RANBP17: variants seen among roughly 807,000 people sequenced by gnomAD.
RANBP17 encodes ran-binding protein 17.
A neutral mutation model predicts 141.2 loss-of-function variants in RANBP17; 158 were observed. The observed-to-expected ratio is 1.12, with a 90% confidence interval of 0.98 to 1.28. RANBP17 has a LOEUF of 1.28. Among genes scored for constraint, RANBP17 ranks in the 50% most tolerant of loss-of-function variants. RANBP17 has a pLI of 0.00. For missense variants in RANBP17, 1,438 were observed against 1,290.7 expected, an observed-to-expected ratio of 1.11 and a Z score of -1.75; for synonymous variants, 430 against 450.0, an observed-to-expected ratio of 0.96 and a Z score of 0.56.
intron 14 of RANBP17, among the ~76,000 whole-genome samples, chr5:171,109,886 A>G (rs1041093694): frequency 3.3e-5 from 5 of 152,156 alleles, no homozygotes; most frequent in African/African-American, 7.2e-5. Context: ...TATTATAGGT[A>G]TTAACATGAT....
chr5:171,165,807 G>T (rs1759654656), intron 14 of RANBP17, among the ~76,000 whole-genome samples: 1 of 152,132 alleles, frequency 6.6e-6, no homozygotes, highest in African/African-American at 2.4e-5. Context: ...AGGCTGGCAA[G>T]GTTTCAAATT....
chr5:171,217,322 T>C (rs536099104), intron 21 of RANBP17, among the ~76,000 whole-genome samples: 6 of 152,316 alleles, frequency 3.9e-5, no homozygotes, highest in South Asian at 2.1e-4. Context: ...CAGTATTTTA[T>C]TGAGGATTTT....
chr5:171,023,837 TTGGAATGC>T (rs1215068651), intron 14 of RANBP17, among the ~76,000 whole-genome samples: 2 of 152,166 alleles, frequency 1.3e-5, no homozygotes, highest in Middle Eastern at 3.2e-3. Flanking sequence ...TCTCTGTAGT[TTGGAATGC>T]TCACCTTATT....
chr5:171,251,750 C>G (rs1174780133), intron 24 of RANBP17: 1 of 838,018 alleles, frequency 1.2e-6, no homozygotes, highest in Non-Finnish European at 2.0e-6. Flanking sequence ...CAGGTGGCCC[C>G]GTTCCCCTCC....
At chr5:171,113,973 T>A (rs1446540147) in intron 14 of RANBP17, among the ~76,000 whole-genome samples, 2 of 152,148 alleles carry the variant, frequency 1.3e-5, no homozygotes, top group Non-Finnish European at 2.9e-5. Flanking sequence ...TTAAAAAGGC[T>A]TTGTTTCAGA....
chr5:171,065,848 G>A (rs952749201), intron 14 of RANBP17, among the ~76,000 whole-genome samples: 5 of 151,344 alleles, frequency 3.3e-5, no homozygotes, highest in African/African-American at 7.3e-5. Context: ...TAATTTCCTA[G>A]CTATTCTTGT....
intron 14 of RANBP17, among the ~76,000 whole-genome samples, chr5:171,080,894 T>G (rs1785225966): frequency 6.6e-6 from 1 of 152,222 alleles, no homozygotes. Flanking sequence ...GGACCATATC[T>G]TACAATTTTG....
chr5:171,265,812 C>T lies in RANBP17; in HGVS notation c.2908C>T (p.His970Tyr), dbSNP rs140781656. 5 of 1,613,712 alleles carry T rather than the reference C, an allele frequency of 3.1e-6. No individual in the cohort carries two copies. The South Asian group carries it at 4.4e-5, about 14-fold the overall frequency. Residue 970 changes from histidine (H) to tyrosine (Y), a missense_variant, in exon 25 of 28, where the codon CAT becomes TAT. Transcript: ENST00000523189. ...TACCCAGGCTGGTCAGAGACTATTA[C>T]ATTTTATGCAGCAAAACCCAGATGT... ...EATQAGQRLL[H>Y]FMQQNPDVLQ... is the part of the protein sequence containing the mutation.
At chr5:171,155,094 A>AAAAAT (rs34090443) in intron 14 of RANBP17, among the ~76,000 whole-genome samples, 99 of 74,960 alleles carry the variant, frequency 1.3e-3, no homozygotes, top group Middle Eastern at 0.01. Context: ...AAAAAAAAAA[A>AAAAAT]ATATATATAT....
chr5:170,942,142 A>C lies in RANBP17; in HGVS notation c.1469-11455A>C, dbSNP rs959515938. ...ATCTAAGTTGCACACTCCTTTTGAG[A>C]ATCTAATGTGTATAATGCCTGATGA... On this transcript the variant is annotated intron_variant, in intron 12 of 27. Coordinates refer to ENST00000523189, the MANE Select transcript of RANBP17 (RefSeq NM_022897.5). Among the ~76,000 whole-genome samples the C allele has an allele frequency of 3.9e-5, 6 of 152,078 alleles. 1 individual carries two copies. Among genetic ancestry groups the C allele is most frequent in the Admixed American group, 3.9e-4 (6 of 15,268 alleles).
At chr5:171,070,241 C>T (rs371095685) in intron 14 of RANBP17, among the ~76,000 whole-genome samples, 18 of 152,148 alleles carry the variant, frequency 1.2e-4, no homozygotes, top group South Asian at 8.3e-4. Flanking sequence ...CCTGATTTTA[C>T]GGGTGAGAAA....
At chr5:170,865,770 C>A (rs1767201852) in intron 1 of RANBP17, among the ~76,000 whole-genome samples, 1 of 152,098 alleles carries the variant, frequency 6.6e-6, no homozygotes, top group African/African-American at 2.4e-5. Flanking sequence ...CCAAAACCAC[C>A]CTCAGGTTCA....
chr5:170,910,892 A>G, intron 6 of RANBP17, 77 bp from the exon 7 acceptor site: 1 of 1,407,190 alleles, frequency 7.1e-7, no homozygotes, highest in East Asian at 2.3e-5. Context: ...TTGACATTGA[A>G]AAATTATTTT....
At chr5:171,019,924 TC>T (rs925832049) in intron 14 of RANBP17, among the ~76,000 whole-genome samples, 9 of 152,202 alleles carry the variant, frequency 5.9e-5, no homozygotes, top group African/African-American at 2.2e-4. Flanking sequence ...GCTATAAATT[TC>T]CCTCTCAACA....
intron 12 of RANBP17, among the ~76,000 whole-genome samples, chr5:170,943,053 A>G (rs1329082522): frequency 6.6e-6 from 1 of 152,156 alleles, no homozygotes; most frequent in Non-Finnish European, 1.5e-5. Context: ...AAAATTTTTA[A>G]TAGTATTAGT....
chr5:171,232,995 TC>T (rs1212814103), intron 22 of RANBP17, among the ~76,000 whole-genome samples: 1 of 152,098 alleles, frequency 6.6e-6, no homozygotes, highest in Non-Finnish European at 1.5e-5. Context: ...CAGTTGCTGT[TC>T]CAGGTTCTTT....
intron 14 of RANBP17, among the ~76,000 whole-genome samples, chr5:171,152,694 T>C (rs560058468): frequency 6.6e-6 from 1 of 152,284 alleles, no homozygotes; most frequent in South Asian, 2.1e-4. Context: ...CTCTTCCTCC[T>C]TCTGCCCACA....
At chr5:170,986,635 T>C (rs1778160366) in intron 14 of RANBP17, among the ~76,000 whole-genome samples, 1 of 151,914 alleles carries the variant, frequency 6.6e-6, no homozygotes, top group Non-Finnish European at 1.5e-5. Flanking sequence ...TAAGTTCTCA[T>C]TGATGTATTT....
intron 16 of RANBP17, among the ~76,000 whole-genome samples, chr5:171,176,269 A>G (rs1760477267): frequency 6.6e-6 from 1 of 151,596 alleles, no homozygotes; most frequent in Non-Finnish European, 1.5e-5. Context: ...TGACCATGAA[A>G]ATTTTATTTT....
Sources: allele counts gnomAD v4.1 joint callset (sites outside exome capture counted in the v4.1 genomes callset), GRCh38; gene constraint gnomAD v4.1.1; transcripts MANE v1.5; gene names NCBI Gene and HGNC (gene_info 2026-07-23, HGNC 2026-07-21).